PIK3C2G: variants seen among roughly 807,000 people sequenced by gnomAD.
The protein encoded by PIK3C2G is phosphatidylinositol 3-kinase C2 domain-containing subunit gamma.
A neutral mutation model predicts 181.1 loss-of-function variants in PIK3C2G; 168 were observed. That is an observed-to-expected ratio of 0.93 (90% confidence interval 0.82 to 1.05). The LOEUF (loss-of-function observed/expected upper bound fraction) is 1.05. PIK3C2G is among the 50% of genes least tolerant of loss of function. PIK3C2G has a pLI of 0.00. For synonymous variants in PIK3C2G, 573 were observed against 592.2 expected (o/e 0.97, Z 0.47); for missense variants, 1,869 against 1,732.8 (o/e 1.08, Z -1.40).
intron 30 of PIK3C2G, among the ~76,000 whole-genome samples, chr12:18,601,082 T>C (rs954614273): frequency 6.6e-6 from 1 of 151,852 alleles, no homozygotes; most frequent in African/African-American, 2.4e-5. Flanking sequence ...GCCAAAATAA[T>C]CCATCAGCAC....
chr12:18,319,230 G>C (rs1020084414), intron 6 of PIK3C2G, among the ~76,000 whole-genome samples: 2 of 152,100 alleles, frequency 1.3e-5, no homozygotes, highest in African/African-American at 4.8e-5. Flanking sequence ...TCTCAAATTT[G>C]GTCAAAAGTA....
At chr12:18,588,558 T>G (rs528808119) in intron 29 of PIK3C2G, among the ~76,000 whole-genome samples, 32 of 152,130 alleles carry the variant, frequency 2.1e-4, no homozygotes, top group African/African-American at 7.2e-4. Flanking sequence ...CTTACACCAG[T>G]CAGAATAGCT....
intron 8 of PIK3C2G, among the ~76,000 whole-genome samples, chr12:18,333,993 A>G (rs924543128): frequency 6.6e-6 from 1 of 152,124 alleles, no homozygotes; most frequent in African/African-American, 2.4e-5. Context: ...TGTTCAAAAC[A>G]TTTTTCAAGT....
intron 18 of PIK3C2G, among the ~76,000 whole-genome samples, chr12:18,443,746 AG>A (rs1946872080): frequency 1.3e-5 from 2 of 152,226 alleles, no homozygotes; most frequent in African/African-American, 4.8e-5. Flanking sequence ...TAAATACTAA[AG>A]TCTATCTCTG....
At chr12:18,616,503 C>G (rs1484334864) in intron 31 of PIK3C2G, among the ~76,000 whole-genome samples, 3 of 152,060 alleles carry the variant, frequency 2.0e-5, no homozygotes, top group Non-Finnish European at 4.4e-5. Context: ...ATCTTAACAT[C>G]CGTCTCACTT....
intron 11 of PIK3C2G, among the ~76,000 whole-genome samples, chr12:18,349,754 A>G (rs1388399282): frequency 1.3e-5 from 2 of 152,186 alleles, no homozygotes; most frequent in Non-Finnish European, 2.9e-5. Flanking sequence ...TTATCTTAAT[A>G]ATAGCATATT....
At chr12:18,610,613 C>A (rs1386522199) in intron 31 of PIK3C2G, among the ~76,000 whole-genome samples, 1 of 152,010 alleles carries the variant, frequency 6.6e-6, no homozygotes, top group Non-Finnish European at 1.5e-5. Flanking sequence ...TCTTGCAAAT[C>A]TTTTTCTAAT....
At chr12:18,570,761 T>A (rs924777375) in intron 29 of PIK3C2G, among the ~76,000 whole-genome samples, 2 of 150,178 alleles carry the variant, frequency 1.3e-5, no homozygotes, top group Non-Finnish European at 2.9e-5. Context: ...GTAGAGTGAG[T>A]CAAGAAGTTT....
intron 31 of PIK3C2G, among the ~76,000 whole-genome samples, chr12:18,627,006 T>C (rs1949129771): frequency 1.3e-5 from 2 of 152,000 alleles, no homozygotes; most frequent in African/African-American, 4.8e-5. Flanking sequence ...TAATTCCTTT[T>C]ACTCATGGCT....
intron 13 of PIK3C2G, among the ~76,000 whole-genome samples, chr12:18,373,008 A>C (rs1942176256): frequency 1.3e-5 from 2 of 152,196 alleles, no homozygotes; most frequent in Non-Finnish European, 2.9e-5. Flanking sequence ...AAGGATTTCT[A>C]AACATTTTTC....
At chr12:18,404,575 A>G (rs1219469850) in intron 16 of PIK3C2G, among the ~76,000 whole-genome samples, 1 of 152,230 alleles carries the variant, frequency 6.6e-6, no homozygotes, top group East Asian at 1.9e-4. Context: ...TGAAATATTC[A>G]TAGGAATTTT....
intron 13 of PIK3C2G, among the ~76,000 whole-genome samples, chr12:18,378,830 G>C (rs1942638849): frequency 6.6e-6 from 1 of 152,176 alleles, no homozygotes; most frequent in African/African-American, 2.4e-5. Flanking sequence ...TCTCACACCA[G>C]TTAGAATGGC....
At chr12:18,500,133 G>A (rs1028652197) in intron 22 of PIK3C2G, among the ~76,000 whole-genome samples, 2 of 152,184 alleles carry the variant, frequency 1.3e-5, no homozygotes, top group Non-Finnish European at 2.9e-5. Context: ...CTCAGCTTGC[G>A]GGGAGTTATG....
intron 24 of PIK3C2G, among the ~76,000 whole-genome samples, chr12:18,522,696 G>A (rs1466212681): frequency 2.6e-5 from 4 of 152,088 alleles, no homozygotes; most frequent in African/African-American, 9.7e-5. Context: ...GATAATTGGA[G>A]TGTGATGTCT....
intron 7 of PIK3C2G, among the ~76,000 whole-genome samples, chr12:18,322,185 C>T (rs1951143377): frequency 6.6e-6 from 1 of 152,076 alleles, no homozygotes; most frequent in Non-Finnish European, 1.5e-5. Flanking sequence ...GAGTTCAAGA[C>T]CAGCCTGGCC....
At chr12:18,635,008 T>G (rs1332973128) in intron 31 of PIK3C2G, among the ~76,000 whole-genome samples, 1 of 152,092 alleles carries the variant, frequency 6.6e-6, no homozygotes, top group Non-Finnish European at 1.5e-5. Flanking sequence ...CACTGTATAA[T>G]TACACACCTG....
chr12:18,671,570 A>C, the PIK3C2G span, among the ~76,000 whole-genome samples: 11 of 152,088 alleles, frequency 7.2e-5, no homozygotes, highest in Admixed American at 7.2e-4. Flanking sequence ...CAAAACTACA[A>C]ATTTGATTTC....
In PIK3C2G at chr12:18,603,870, AG is replaced by A. The variant is rs1947866300; in HGVS notation, c.4088-5664del. Among the ~76,000 whole-genome samples the A allele has an allele frequency of 3.3e-5, 5 of 152,354 alleles. No individual in the cohort carries two copies. The South Asian group carries it at 1.0e-3, about 32-fold the overall frequency. On this transcript the variant is annotated intron_variant, in intron 30 of 32. Transcript: ENST00000538779. ...CACTACCACAAGAACTGCTAAAAAG[AG>A]CTCCAAATCTTGAAACAAATCCTGG...
At chr12:18,567,940 T>C (rs1013784408) in intron 29 of PIK3C2G, among the ~76,000 whole-genome samples, 2 of 152,146 alleles carry the variant, frequency 1.3e-5, no homozygotes, top group Non-Finnish European at 2.9e-5. Context: ...AGGCTGCTTG[T>C]GTTCCTTGGC....
Sources: gnomAD v4.1 joint callset for allele counts (sites outside exome capture counted in the v4.1 genomes callset) on GRCh38, gnomAD v4.1.1 for gene constraint, MANE v1.5 for transcripts, NCBI Gene and HGNC (gene_info 2026-07-23, HGNC 2026-07-21) for gene names.